Variants in KHDRBS2 observed in about 807,000 individuals in gnomAD.
The protein encoded by KHDRBS2 is KH domain-containing, RNA-binding, signal transduction-associated protein 2.
A neutral mutation model predicts 44.3 loss-of-function variants in KHDRBS2; 26 were observed. The observed-to-expected ratio is 0.59, with a 90% CI of 0.43 to 0.81. KHDRBS2 has a LOEUF of 0.81. KHDRBS2 is among the 40% of genes least tolerant of loss of function. The pLI, the probability that KHDRBS2 is intolerant of heterozygous loss-of-function variation, is 0.00. For synonymous variants in KHDRBS2, 194 were observed against 151.1 expected (o/e 1.28, Z -2.08); for missense variants, 476 against 433.1 (o/e 1.10, Z -0.88).
At chr6:62,225,607 G>A (rs1351470509) in intron 1 of KHDRBS2, among the ~76,000 whole-genome samples, 2 of 152,098 alleles carry the variant, frequency 1.3e-5, no homozygotes, top group Non-Finnish European at 2.9e-5. Flanking sequence ...TGCCATGGTG[G>A]CTTGCTGCAC....
chr6:62,086,307 A>C (rs1237878379), intron 2 of KHDRBS2, among the ~76,000 whole-genome samples: 1 of 152,216 alleles, frequency 6.6e-6, no homozygotes, highest in Admixed American at 6.5e-5. Flanking sequence ...ATTCTGTCTG[A>C]ATAGCAAATG....
intron 6 of KHDRBS2, among the ~76,000 whole-genome samples, chr6:61,888,317 C>T (rs560282304): frequency 2.0e-5 from 3 of 152,254 alleles, no homozygotes; most frequent in African/African-American, 7.2e-5. Context: ...ACCTGACAAC[C>T]CTGGCTGAAT....
chr6:62,064,924 C>T (rs549317614), intron 2 of KHDRBS2, among the ~76,000 whole-genome samples: 1 of 151,080 alleles, frequency 6.6e-6, no homozygotes, highest in Non-Finnish European at 1.5e-5. Context: ...TGAACTCAAA[C>T]AAATTTACAA....
chr6:61,699,569 G>A (rs6908870), intron 7 of KHDRBS2, among the ~76,000 whole-genome samples: 1,632 of 152,014 alleles, frequency 0.011, 29 homozygotes, highest in African/African-American at 0.038. Context: ...TGGAAGGAAC[G>A]ACAGAAGGGC....
At chr6:62,062,700 A>G (rs887355744) in intron 2 of KHDRBS2, among the ~76,000 whole-genome samples, 3 of 148,472 alleles carry the variant, frequency 2.0e-5, no homozygotes, top group African/African-American at 7.4e-5. Context: ...TTGACACCCT[A>G]ACATCACAAT....
chr6:61,677,561 T>G (rs1177329063), downstream of KHDRBS2, among the ~76,000 whole-genome samples: 1 of 151,908 alleles, frequency 6.6e-6, no homozygotes, highest in Non-Finnish European at 1.5e-5. Flanking sequence ...TGACTAAATG[T>G]GAGGTTTATC....
At chr6:61,904,402 C>G (rs564931589) in intron 4 of KHDRBS2, among the ~76,000 whole-genome samples, 6 of 152,104 alleles carry the variant, frequency 3.9e-5, no homozygotes, top group Non-Finnish European at 7.4e-5. Context: ...AGCAAAGCAA[C>G]TAATATAATG....
chr6:62,105,597 TG>T (rs1214726520), intron 2 of KHDRBS2, among the ~76,000 whole-genome samples: 1 of 152,208 alleles, frequency 6.6e-6, no homozygotes, highest in African/African-American at 2.4e-5. Flanking sequence ...GATGGTAGTT[TG>T]TATTTCTGTG....
rs1275266652 is a variant in KHDRBS2, at chr6:61,861,655, G to GT, written c.810+32979dup. Reference sequence around the variant, plus strand: ...AAATCCAGGTAGCACGATGCCTCCAGTTTTGTTTTTTTTTTTCTTAGGATT... The same window carrying GT: ...AAATCCAGGTAGCACGATGCCTCCAGTTTTTGTTTTTTTTTTTCTTAGGATT... On this transcript the variant is annotated intron_variant, in intron 6 of 8. Coordinates refer to ENST00000281156, the MANE Select transcript of KHDRBS2 (RefSeq NM_152688.4). Among the ~76,000 whole-genome samples, 326 of 129,734 alleles carry GT rather than the reference G, an allele frequency of 2.5e-3. 1 individual carries two copies. Among genetic ancestry groups the GT allele is most frequent in the African/African-American group, 4.0e-3 (130 of 32,276 alleles). 85.1% of individuals were successfully genotyped at this position (129,734 alleles called of 152,430 possible). A position where few individuals can be genotyped will look rare whatever the true frequency, so the allele number is the denominator to read the frequency against.
intron 3 of KHDRBS2, among the ~76,000 whole-genome samples, chr6:62,006,917 T>A (rs1405505710): frequency 3.3e-5 from 5 of 152,062 alleles, no homozygotes; most frequent in South Asian, 2.1e-4. Flanking sequence ...AAATTTTTTT[T>A]AAATTCAGCT....
intron 6 of KHDRBS2, among the ~76,000 whole-genome samples, chr6:61,802,354 T>G (rs988188024): frequency 2.0e-5 from 3 of 152,162 alleles, no homozygotes; most frequent in African/African-American, 7.2e-5. Context: ...AATAGAAAAC[T>G]GATGTAATGC....
At chr6:61,972,067 C>G (rs1408789688) in intron 4 of KHDRBS2, among the ~76,000 whole-genome samples, 2 of 152,110 alleles carry the variant, frequency 1.3e-5, no homozygotes, top group African/African-American at 4.8e-5. Flanking sequence ...TTAACAGATT[C>G]TGATTACTGG....
At chr6:61,835,013 T>C (rs1229103542) in intron 6 of KHDRBS2, among the ~76,000 whole-genome samples, 1 of 152,090 alleles carries the variant, frequency 6.6e-6, no homozygotes, top group African/African-American at 2.4e-5. Flanking sequence ...AGTACATTTG[T>C]CAGGGTTTTC....
chr6:62,038,117 G>A (rs530340973), intron 3 of KHDRBS2, among the ~76,000 whole-genome samples: 179 of 152,074 alleles, frequency 1.2e-3, no homozygotes, highest in Middle Eastern at 3.4e-3. Flanking sequence ...ATCCCCGGAA[G>A]TGCATAAAAC....
At chr6:61,913,069 G>C (rs1320983152) in intron 4 of KHDRBS2, among the ~76,000 whole-genome samples, 1 of 152,110 alleles carries the variant, frequency 6.6e-6, no homozygotes, top group Non-Finnish European at 1.5e-5. Context: ...CAGAATGCAA[G>C]TCATAAATTT....
chr6:62,172,953 T>A lies in KHDRBS2; in HGVS notation c.219+4232A>T, dbSNP rs148566634. ...AACTAAAGCCTTATTAATAAGAAAG[T>A]TTATAGTGCAAAATGCCCATATCAC... On this transcript the variant is annotated intron_variant, in intron 2 of 8. Coordinates refer to ENST00000281156, the MANE Select transcript of KHDRBS2 (RefSeq NM_152688.4). Among the ~76,000 whole-genome samples the A allele has an allele frequency of 1.4e-4, 22 of 151,892 alleles. No individual in the cohort carries two copies. In the East Asian group the frequency reaches 3.7e-3, roughly 25 times the overall value.
intron 1 of KHDRBS2, among the ~76,000 whole-genome samples, chr6:62,231,412 G>C (rs1346747166): frequency 6.6e-6 from 1 of 152,128 alleles, no homozygotes; most frequent in East Asian, 1.9e-4. Flanking sequence ...GATCTCATGA[G>C]AACTTACTCA....
chr6:61,681,491 G>A (rs1766292548), intron 8 of KHDRBS2, among the ~76,000 whole-genome samples: 1 of 151,770 alleles, frequency 6.6e-6, no homozygotes, highest in Non-Finnish European at 1.5e-5. Context: ...TATGGGCTGG[G>A]ACCTACGGTT....
chr6:61,597,702 T>G, the KHDRBS2 span, among the ~76,000 whole-genome samples: 2 of 128,154 alleles, frequency 1.6e-5, no homozygotes, highest in African/African-American at 5.8e-5. Context: ...TCTTAAGCTT[T>G]CCAAAAGGAC....
Sources: gnomAD v4.1 joint callset for allele counts (sites outside exome capture counted in the v4.1 genomes callset) on GRCh38, gnomAD v4.1.1 for gene constraint, MANE v1.5 for transcripts, NCBI Gene and HGNC (gene_info 2026-07-23, HGNC 2026-07-21) for gene names.